The following SCNN1B variants were observed in gnomAD, a reference collection of about 807,000 sequenced individuals.
SCNN1B encodes the protein epithelial sodium channel subunit beta.
SCNN1B carries 46 observed loss-of-function variants against 65.3 expected under a neutral mutation model. The ratio of observed to expected loss-of-function variants is 0.70; its 90% confidence interval spans 0.56 to 0.90. SCNN1B has a LOEUF of 0.90. Ranked by LOEUF, SCNN1B falls within the 40% of genes least tolerant of loss-of-function variation. SCNN1B has a pLI of 0.00. For synonymous variants in SCNN1B, 349 were observed against 330.6 expected, an observed-to-expected ratio of 1.06 and a Z score of -0.60; for missense variants, 751 against 830.5, an observed-to-expected ratio of 0.90 and a Z score of 1.18.
At chr16:23,289,011 T>C (rs1298996191) in intron 2 of SCNN1B, among the ~76,000 whole-genome samples, 1 of 152,150 alleles carries the variant, frequency 6.6e-6, no homozygotes, top group Non-Finnish European at 1.5e-5. Flanking sequence ...AAGACAGCAG[T>C]GAGCAACTTA....
intron 2 of SCNN1B, 35 bp from the exon 3 acceptor site, chr16:23,352,766 A>T (rs1962335774): frequency 3.1e-6 from 5 of 1,613,146 alleles, no homozygotes; most frequent in Non-Finnish European, 3.4e-6. Flanking sequence ...ACAGATATGC[A>T]TTCCTTCCCC....
At chr16:23,369,642 G>A (rs73544468) in intron 5 of SCNN1B, among the ~76,000 whole-genome samples, 4,704 of 152,130 alleles carry the variant, frequency 0.031, 245 homozygotes, top group African/African-American at 0.11. Context: ...CTCATTCAGC[G>A]ACCATCGGGG....
intron 1 of SCNN1B, among the ~76,000 whole-genome samples, chr16:23,321,333 C>T (rs558474843): frequency 3.6e-4 from 55 of 152,120 alleles, no homozygotes; most frequent in African/African-American, 1.1e-3. Context: ...TGAGCCACAA[C>T]GCCTGGCCTC....
At chr16:23,328,420 T>A (rs1414809417) in intron 1 of SCNN1B, among the ~76,000 whole-genome samples, 3 of 152,226 alleles carry the variant, frequency 2.0e-5, no homozygotes, top group Non-Finnish European at 4.4e-5. Context: ...CAGATCATGA[T>A]GGGCACGAAG....
rs576120645 is a variant in SCNN1B, at chr16:23,380,382, G to A, written c.1543-39G>A. 3 of 1,613,632 alleles carry A rather than the reference G, an allele frequency of 1.9e-6. No homozygotes were observed. The highest frequency in any genetic ancestry group is 2.7e-5 in the African/African-American group (2 of 75,068). On this transcript the variant is annotated intron_variant, in intron 12 of 12. Coordinates refer to ENST00000343070, the MANE Select transcript of SCNN1B (RefSeq NM_000336.3). This position sits in a 1 kb window ranked among gnomAD's most constrained non-coding sequence, Gnocchi z 5.4. The stretch of plus-strand genomic sequence containing the variant: ...GTGAGGCTGGGCTAGAGGCAAGAAT[G>A]TGTGGCCTGAGCTCACCCCAGCTCC...
chr16:23,290,510 G>A (rs191321553), intron 2 of SCNN1B, among the ~76,000 whole-genome samples: 18 of 152,184 alleles, frequency 1.2e-4, no homozygotes, highest in East Asian at 1.2e-3. Flanking sequence ...GTCTTGCTAC[G>A]TTGCCCAGGC....
chr16:23,303,073 C>A (rs934070540), intron 1 of SCNN1B, among the ~76,000 whole-genome samples: 2 of 152,146 alleles, frequency 1.3e-5, no homozygotes, highest in Admixed American at 6.5e-5. Flanking sequence ...CAGATCCGAA[C>A]GCCCTGCAGT....
rs1962525830 is a variant in SCNN1B, at chr16:23,360,511, T to C, written c.776+5022T>C. ...CTGCAGTGAACCAAGATCACACCACTGCATTCCAGCATTCCAGCCTGGGTG... is the reference window on the plus strand; with the variant it reads ...CTGCAGTGAACCAAGATCACACCACCGCATTCCAGCATTCCAGCCTGGGTG... On this transcript the variant is annotated intron_variant, in intron 4 of 12. Coordinates refer to ENST00000343070, the MANE Select transcript of SCNN1B (RefSeq NM_000336.3). Among the ~76,000 whole-genome samples, 3 of 151,420 alleles carry C rather than the reference T, an allele frequency of 2.0e-5. No homozygotes were observed. In the South Asian group the frequency reaches 6.3e-4, roughly 32 times the overall value.
intron 1 of SCNN1B, among the ~76,000 whole-genome samples, chr16:23,337,892 C>T (rs1272422900): frequency 6.6e-6 from 1 of 151,816 alleles, no homozygotes; most frequent in Non-Finnish European, 1.5e-5. Context: ...ATGGCAAAAC[C>T]CCATTTCTAC....
At chr16:23,339,089 T>C (rs1337957657) in intron 1 of SCNN1B, among the ~76,000 whole-genome samples, 1 of 152,222 alleles carries the variant, frequency 6.6e-6, no homozygotes, top group Admixed American at 6.5e-5. Flanking sequence ...ATAGATTAAT[T>C]CATATTTTCT....
At chr16:23,321,412 G>A (rs995680917) in intron 1 of SCNN1B, among the ~76,000 whole-genome samples, 6 of 152,052 alleles carry the variant, frequency 3.9e-5, no homozygotes, top group African/African-American at 4.8e-5. Flanking sequence ...TGAAGGCCCC[G>A]CCTGTGAGTG....
intron 1 of SCNN1B, among the ~76,000 whole-genome samples, chr16:23,334,154 C>T (rs1961887238): frequency 6.6e-6 from 1 of 152,184 alleles, no homozygotes; most frequent in African/African-American, 2.4e-5. Context: ...TGGACAGCCA[C>T]ATTCCCCAGA....
At chr16:23,339,398 T>C (rs1012531012) in intron 1 of SCNN1B, among the ~76,000 whole-genome samples, 5 of 131,172 alleles carry the variant, frequency 3.8e-5, no homozygotes, top group Non-Finnish European at 6.2e-5. Context: ...GGTCATATGA[T>C]AACTGTTCAT....
At chr16:23,361,590 C>T (rs533910539) in intron 4 of SCNN1B, among the ~76,000 whole-genome samples, 6 of 152,286 alleles carry the variant, frequency 3.9e-5, no homozygotes, top group Admixed American at 2.0e-4. Flanking sequence ...AGGTTGTAAT[C>T]CAATTCCTTG....
intron 2 of SCNN1B, among the ~76,000 whole-genome samples, chr16:23,292,303 C>T (rs1409731829): frequency 6.6e-6 from 1 of 151,428 alleles, no homozygotes; most frequent in Admixed American, 6.6e-5. Context: ...ATGCCATTCT[C>T]CCACCTCAGA....
At chr16:23,304,357 C>T (rs1281412733) in intron 1 of SCNN1B, among the ~76,000 whole-genome samples, 50 of 152,174 alleles carry the variant, frequency 3.3e-4, no homozygotes, top group Admixed American at 3.3e-3. Flanking sequence ...TACATGCATG[C>T]ATACACACAC....
chr16:23,316,503 TCCTCAC>T (rs1961469629), intron 1 of SCNN1B, among the ~76,000 whole-genome samples: 1 of 140,966 alleles, frequency 7.1e-6, no homozygotes, highest in African/African-American at 2.7e-5. Flanking sequence ...ACCATCACCA[TCCTCAC>T]CATCACCACC....
intron 2 of SCNN1B, among the ~76,000 whole-genome samples, chr16:23,293,173 C>T (rs958414436): frequency 2.8e-5 from 4 of 140,738 alleles, no homozygotes; most frequent in African/African-American, 5.3e-5. Flanking sequence ...GTCAGATCTA[C>T]CCAAAAGAAT....
At chr16:23,295,607 C>T (rs1488147279) in intron 2 of SCNN1B, among the ~76,000 whole-genome samples, 1 of 152,170 alleles carries the variant, frequency 6.6e-6, no homozygotes, top group Non-Finnish European at 1.5e-5. Context: ...CCACCTCAGC[C>T]TCATAAAGTG....
Sources: gnomAD v4.1 joint callset for allele counts (sites outside exome capture counted in the v4.1 genomes callset) on GRCh38, gnomAD v4.1.1 for gene constraint, Gnocchi (gnomAD v3.1) non-coding constraint, MANE v1.5 for transcripts, NCBI Gene and HGNC (gene_info 2026-07-23, HGNC 2026-07-21) for gene names.